The following PAQR6 variants were observed in gnomAD, a reference collection of about 807,000 sequenced individuals.
The protein encoded by PAQR6 is membrane progestin receptor delta.
In PAQR6, 34 loss-of-function variants were observed where a neutral mutation model predicts 36.2. That is an observed-to-expected ratio of 0.94 (90% CI 0.71 to 1.25). The LOEUF is 1.25. Ranked by LOEUF, PAQR6 falls within the 50% of genes most tolerant of loss-of-function variation. The pLI, the probability that PAQR6 is intolerant of heterozygous loss-of-function variation, is 0.00. For synonymous variants in PAQR6, 190 were observed against 190.7 expected (o/e 1.00, Z 0.03); for missense variants, 431 against 445.7 (o/e 0.97, Z 0.30).
At position 156,244,990 on chromosome 1, in the gene PAQR6, G is replaced by A. The variant is rs562303537; in HGVS notation, c.610-79C>T. 1.1e-4 allele frequency: 171 copies of A among 1,592,736 alleles called. No homozygotes were observed. In the African/African-American group the frequency reaches 1.9e-3, roughly 18 times the overall value. On this transcript the variant is annotated intron_variant, in intron 6 of 7. Coordinates refer to ENST00000292291, the MANE Select transcript of PAQR6 (RefSeq NM_198406.3). ...GGTGTGTCTGGGATCTGGTGAGGAC[G>A]CAGAGCGGGCGGGCACAGCTAGGCG...
chr1:156,244,651 A>G (rs1347102453), intron 7 of PAQR6, 110 bp downstream of exon 7: 5 of 1,579,454 alleles, frequency 3.2e-6, no homozygotes, highest in Admixed American at 1.7e-5. Context: ...AGTCCCTCCT[A>G]TAATTTGCCT....
At chr1:156,245,418 AGAG>A in intron 5 of PAQR6, 114 bp downstream of exon 5, 1 of 1,480,172 alleles carries the variant, frequency 6.8e-7, no homozygotes, top group South Asian at 1.2e-5. Context: ...AGGGTCTGAC[AGAG>A]GAAGTCCTCA....
Position 156,243,871 on chromosome 1 carries a change from C to T in PAQR6, c.*258G>A. 1 of 1,598,316 alleles carries T rather than the reference C, an allele frequency of 6.3e-7. No individual in the cohort carries two copies. Among genetic ancestry groups the T allele is most frequent in the Non-Finnish European group, 8.6e-7 (1 of 1,168,590 alleles). On this transcript the variant is annotated 3_prime_UTR_variant, in exon 8 of 8. Coordinates refer to ENST00000292291, the MANE Select transcript of PAQR6 (RefSeq NM_198406.3). ...AATATAGGGGCATCTTCAGCCTGGA[C>T]ACGCATGCATCTCCCCTCTCAGACC...
chr1:156,247,266 C>T (rs927006933), intron 1 of PAQR6, among the ~76,000 whole-genome samples: 1 of 152,238 alleles, frequency 6.6e-6, no homozygotes, highest in African/African-American at 2.4e-5. Context: ...TGGCTTTTCT[C>T]TGAGGACTAC....
rs747303869 is a variant in PAQR6, at chr1:156,244,150, AC to A, written c.1013del (p.Gly338ValfsTer97). On this transcript the variant is annotated frameshift_variant, in exon 8 of 8. Transcript: ENST00000292291. LOFTEE classifies it high-confidence loss of function. ...GGCCTCACTGTTGTTTGGCCTGGGT[AC>A]CCCCCTCCAGTGGGCCACCCTGCAG... ...PLLQGGPLEG[G>X]TQAKQQ The A allele has an allele frequency of 1.2e-6, 2 of 1,604,076 alleles. No homozygotes were observed. Among genetic ancestry groups the A allele is most frequent in the Non-Finnish European group, 1.7e-6 (2 of 1,172,352 alleles).
intron 7 of PAQR6, 64 bp downstream of exon 7, chr1:156,244,697 A>T (rs752738674): frequency 1.2e-6 from 2 of 1,612,910 alleles, no homozygotes; most frequent in Non-Finnish European, 1.7e-6. Flanking sequence ...TACCCAGTTC[A>T]TTCTGTGCTC....
Position 156,245,124 on chromosome 1 carries a change from G to T in PAQR6, c.609+18C>A, listed in dbSNP as rs1572535383. On this transcript the variant is annotated intron_variant, in intron 6 of 7. Coordinates refer to ENST00000292291, the MANE Select transcript of PAQR6 (RefSeq NM_198406.3). ...ACAGGAAAGCAGGAGTCTGGGCAGG[G>T]GCCCTAGGCCTCCTTACCCGATAAA... 3 of 1,609,796 alleles carry T rather than the reference G, an allele frequency of 1.9e-6. No individual in the cohort carries two copies. Among genetic ancestry groups the T allele is most frequent in the Non-Finnish European group, 2.5e-6 (3 of 1,176,674 alleles).
rs1381276092 is a variant in PAQR6, at chr1:156,244,270, T to A, written c.894A>T (p.Thr298=). The change falls in exon 8 of 8, where the codon ACA becomes ACT. Residue 298 remains threonine (T), a synonymous_variant. Transcript: ENST00000292291. ...TQEPALGLAG[T]VATLVLAAAG... ...CTGCAGCCAAGACCAGTGTGGCCACTGTGCCTGCCAGGCCCAGGGCAGGTT... is the reference window on the plus strand; with the variant it reads ...CTGCAGCCAAGACCAGTGTGGCCACAGTGCCTGCCAGGCCCAGGGCAGGTT... 5 of 1,613,498 alleles carry A rather than the reference T, an allele frequency of 3.1e-6. No individual in the cohort carries two copies. Among genetic ancestry groups the A allele is most frequent in the Non-Finnish European group, 4.2e-6 (5 of 1,180,016 alleles).
rs909747458 is a variant in PAQR6 at position 156,246,833 on chromosome 1, G to A, written c.-25-77C>T. ...CCCCTTTCACCTGGGTTCAGCCGCA[G>A]GATGGGCTGTGCGTGTGGGAGGCAG... On this transcript the variant is annotated intron_variant, in intron 1 of 7. Transcript: ENST00000292291. 33 of 1,301,928 alleles carry A rather than the reference G, an allele frequency of 2.5e-5. No homozygotes were observed. In the East Asian group the frequency reaches 4.3e-4, roughly 17 times the overall value. 80.6% of individuals were successfully genotyped at this position (1,301,928 alleles called of 1,614,324 possible).
chr1:156,246,618 G>C (rs1470592169), intron 2 of PAQR6, 63 bp downstream of exon 2: 12 of 1,551,842 alleles, frequency 7.7e-6, no homozygotes, highest in Non-Finnish European at 1.1e-5. Flanking sequence ...AGAGAAGAAC[G>C]TCAGCCCCTA....
At position 156,243,330 on chromosome 1, in the gene PAQR6, T is replaced by A; in HGVS notation, c.*799A>T. On this transcript the variant is annotated 3_prime_UTR_variant, in exon 8 of 8. Transcript: ENST00000292291. ...TCCAGAAGAGGAATCTGTGGGCCTGTGAGTCTGTCCAGTTTATGGAGTGTG... is the reference window on the plus strand; with the variant it reads ...TCCAGAAGAGGAATCTGTGGGCCTGAGAGTCTGTCCAGTTTATGGAGTGTG... 8.4e-7 allele frequency: 1 copy of A among 1,192,268 alleles called. No homozygotes were observed. Among genetic ancestry groups the A allele is most frequent in the Admixed American group, 2.5e-5 (1 of 40,326 alleles). 73.9% of individuals were successfully genotyped at this position (1,192,268 alleles called of 1,614,324 possible). A position where few individuals can be genotyped will look rare whatever the true frequency, so the allele number is the denominator to read the frequency against.
Position 156,245,211 on chromosome 1 carries a change from G to A in PAQR6, c.540C>T (p.Leu180=). The A allele has an allele frequency of 6.2e-7, 1 of 1,614,132 alleles. No homozygotes were observed. Among genetic ancestry groups the A allele is most frequent in the Non-Finnish European group, 8.5e-7 (1 of 1,180,030 alleles). ...AGGCTCCTGTGCGGAGGACCTTACT[G>A]AGCCCAGGGCTTTCCAGCTCCAGGA... The part of the protein sequence containing the change: ...SRFLELESPG[L]SKVLRTGAFA... Residue 180 remains leucine (L), a synonymous_variant, in exon 6 of 8, where the codon CTC becomes CTT. Coordinates refer to ENST00000292291, the MANE Select transcript of PAQR6 (RefSeq NM_198406.3).
At chr1:156,245,435 C>A in intron 5 of PAQR6, 100 bp downstream of exon 5, 2 of 1,536,928 alleles carry the variant, frequency 1.3e-6, no homozygotes, top group South Asian at 2.4e-5. Flanking sequence ...GTCCTCAGTA[C>A]ATGGTCCCGA....
chr1:156,246,757 C>T lies in PAQR6; in HGVS notation c.-25-1G>A. The T allele has an allele frequency of 1.2e-6, 2 of 1,611,642 alleles. No homozygotes were observed. The highest frequency in any genetic ancestry group is 8.5e-7 in the Non-Finnish European group (1 of 1,178,818). ...GGTGGCCTGGTACCTCCACGTTGAC[C>T]TAGAGACAGAGTGGGAGGTAGGGGA... On this transcript the variant is annotated splice_acceptor_variant, in intron 1 of 7. Transcript: ENST00000292291. LOFTEE classifies it low-confidence loss of function (5UTR_SPLICE).
intron 1 of PAQR6, 75 bp downstream of exon 1, chr1:156,247,882 T>A (rs1660906452): frequency 5.1e-6 from 2 of 390,268 alleles, no homozygotes; most frequent in South Asian, 4.0e-5. Context: ...GCTATGGAAA[T>A]GGGGGAGGGG....
rs757946251 is a variant in PAQR6, at chr1:156,243,934, C to T, written c.*195G>A. On this transcript the variant is annotated 3_prime_UTR_variant, in exon 8 of 8. Transcript: ENST00000292291. Reference sequence around the variant, plus strand: ...TCCACTCCCATCAAGAGCCCCCTCACGGTCCCTCTCACACTCTGCCAGTCC... The same window carrying T: ...TCCACTCCCATCAAGAGCCCCCTCATGGTCCCTCTCACACTCTGCCAGTCC... 2.0e-5 allele frequency: 32 copies of T among 1,613,886 alleles called. No individual in the cohort carries two copies. Among genetic ancestry groups the T allele is most frequent in the African/African-American group, 6.7e-5 (5 of 74,924 alleles).
chr1:156,245,205 C>A lies in PAQR6; in HGVS notation c.546G>T (p.Lys182Asn). 6.2e-7 allele frequency: 1 copy of A among 1,614,138 alleles called. No individual in the cohort carries two copies. The highest frequency in any genetic ancestry group is 2.2e-5 in the East Asian group (1 of 44,878). The change falls in exon 6 of 8, where the codon AAG (lysine) becomes AAT (asparagine). Residue 182 changes from lysine to asparagine, a missense_variant. Coordinates refer to ENST00000292291, the MANE Select transcript of PAQR6 (RefSeq NM_198406.3). Reference sequence around the variant, plus strand: ...AGGCGAAGGCTCCTGTGCGGAGGACCTTACTGAGCCCAGGGCTTTCCAGCT... The same window carrying A: ...AGGCGAAGGCTCCTGTGCGGAGGACATTACTGAGCCCAGGGCTTTCCAGCT... ...FLELESPGLS[K>N]VLRTGAFAYP...
At position 156,245,804 on chromosome 1, in the gene PAQR6, G is replaced by C. The variant is rs1217300916; in HGVS notation, c.363C>G (p.Gly121=). The C allele has an allele frequency of 1.9e-6, 3 of 1,602,678 alleles. No homozygotes were observed. The highest frequency in any genetic ancestry group is 2.6e-6 in the Non-Finnish European group (3 of 1,175,146). The change falls in exon 4 of 8, where the codon GGC becomes GGG. Residue 121 remains glycine, a synonymous_variant. Transcript: ENST00000292291. ...CACCCAGACTGTAGAGGCTGAGCGC[G>C]CCGTAGTCGAGGAAGTAGCAGATGT... ...MRHICYFLDY[G]ALSLYSLGCA... is the part of the protein sequence containing the mutation.
In PAQR6 at chr1:156,245,864, C is replaced by G; in HGVS notation, c.303G>C (p.Ala101=). 1 of 1,603,572 alleles carries G rather than the reference C, an allele frequency of 6.2e-7. No homozygotes were observed. ...GGGGCGACATGGAGCTGAAGGTGTG[C>G]GCGCAGCACGACGCGAAGGGGTAGA... ...ACLYPFASCC[A]HTFSSMSPRM... is the part of the protein sequence containing the mutation. The change falls in exon 4 of 8, where the codon GCG becomes GCC. Residue 101 remains alanine, a synonymous_variant. Transcript: ENST00000292291.
Sources: allele counts gnomAD v4.1 joint callset (sites outside exome capture counted in the v4.1 genomes callset), GRCh38; gene constraint gnomAD v4.1.1; transcripts MANE v1.5; gene names NCBI Gene and HGNC (gene_info 2026-07-23, HGNC 2026-07-21).